VARS1: variants seen among roughly 807,000 people sequenced by gnomAD.
VARS1 encodes valine--tRNA ligase.
VARS1 carries 92 observed loss-of-function variants against 161.0 expected under a neutral mutation model. The observed-to-expected ratio is 0.57, with a 90% CI of 0.48 to 0.68. The LOEUF (loss-of-function observed/expected upper bound fraction) is 0.68, where lower values mean the gene tolerates loss of function less well. Ranked by LOEUF, VARS1 falls within the 30% of genes least tolerant of loss-of-function variation. The probability of loss-of-function intolerance (pLI) is 0.00; values close to 1 mark genes in which losing one functional copy is unlikely to be tolerated. For missense variants in VARS1, 1,338 were observed against 1,695.9 expected (o/e 0.79, Z 3.71); for synonymous variants, 595 against 682.5 (o/e 0.87, Z 2.00).
In VARS1 at chr6:31,783,159, G is replaced by C. The variant is rs767777247; in HGVS notation, c.1699C>G (p.Pro567Ala). ...ATGGGAAGGCTCCGAGACAGGAATG[G>C]GTGGATCACGTTCTTCCCCTTCAGG... is the stretch of plus-strand genomic sequence containing the variant. ...QHLKGKNVIH[P>A]FLSRSLPIVF... The change falls in exon 14 of 30, where the codon CCA becomes GCA. Residue 567 changes from proline (P) to alanine (A), a missense_variant. Physicochemically the swap from Pro to Ala is conservative, Grantham distance 27. Coordinates refer to ENST00000375663, the MANE Select transcript of VARS1 (RefSeq NM_006295.3). 5 of 1,612,674 alleles carry C rather than the reference G, an allele frequency of 3.1e-6. No homozygotes were observed. The highest frequency in any genetic ancestry group is 4.2e-6 in the Non-Finnish European group (5 of 1,179,954).
chr6:31,792,757 C>T lies in VARS1; in HGVS notation c.661G>A (p.Gly221Ser). 1 of 1,614,168 alleles carries T rather than the reference C, an allele frequency of 6.2e-7. No individual in the cohort carries two copies. The highest frequency in any genetic ancestry group is 8.5e-7 in the Non-Finnish European group (1 of 1,180,012). ...SGARPLSHQPGPEAPALPKTA... is the reference protein window; with the variant it reads ...SGARPLSHQPSPEAPALPKTA... ...CCTCCAACTCCTCGCCCTTCCTCAC[C>T]TGGCTGATGAGAGAGAGGCCTGGCT... The change falls in exon 4 of 30, where the codon GGC becomes AGC. Residue 221 changes from glycine (G) to serine (S), a missense_variant and splice_region_variant. Gly to Ser is a moderately conservative substitution (Grantham distance 56). Coordinates refer to ENST00000375663, the MANE Select transcript of VARS1 (RefSeq NM_006295.3).
chr6:31,779,248 C>T lies in VARS1; in HGVS notation c.3445G>A (p.Ala1149Thr), dbSNP rs779226448. The change falls in exon 29 of 30, where the codon GCG becomes ACG. Residue 1149 changes from alanine (A) to threonine (T), a missense_variant. Transcript: ENST00000375663. The surrounding 1 kb of genome is among the most constrained non-coding windows in gnomAD (Gnocchi z 9.1). ...ADEATGALAS[A>T]VSGYVQALAS... Reference sequence around the variant, plus strand: ...AGGGCCTGCACGTAGCCCGACACCGCCGATGCCAGGGCGCCCGTGGCCTCA... The same window carrying T: ...AGGGCCTGCACGTAGCCCGACACCGTCGATGCCAGGGCGCCCGTGGCCTCA... 1 of 1,605,336 alleles carries T rather than the reference C, an allele frequency of 6.2e-7. No individual in the cohort carries two copies. Among genetic ancestry groups the T allele is most frequent in the South Asian group, 1.1e-5 (1 of 90,972 alleles).
Position 31,780,858 on chromosome 6 carries a change from A to C in VARS1, c.2718+12T>G. 6.2e-7 allele frequency: 1 copy of C among 1,614,178 alleles called. No individual in the cohort carries two copies. ...GCTGTGCTCCTGCTTAGCCCAGCCC[A>C]ACCCTCCATACCTGCCCTTCTTTGG... On this transcript the variant is annotated intron_variant, in intron 23 of 29. Transcript: ENST00000375663. This position sits in a 1 kb window ranked among gnomAD's most constrained non-coding sequence, Gnocchi z 5.1.
chr6:31,785,357 C>G lies in VARS1; in HGVS notation c.1266-30G>C, dbSNP rs758546882. 8 of 1,612,050 alleles carry G rather than the reference C, an allele frequency of 5.0e-6. No homozygotes were observed. The highest frequency in any genetic ancestry group is 6.8e-6 in the Non-Finnish European group (8 of 1,179,406). On this transcript the variant is annotated intron_variant, in intron 9 of 29. Transcript: ENST00000375663. The surrounding 1 kb of genome is among the most constrained non-coding windows in gnomAD (Gnocchi z 6.1). ...AAGCAGACAGGCTGAGGTCAGCACTCGTGCCTGGGCTAGAGGGAGACATCA... is the reference window on the plus strand; with the variant it reads ...AAGCAGACAGGCTGAGGTCAGCACTGGTGCCTGGGCTAGAGGGAGACATCA...
chr6:31,793,166 C>T (rs1814010083), intron 2 of VARS1, 46 bp from the exon 3 acceptor site: 29 of 1,548,756 alleles, frequency 1.9e-5, no homozygotes, highest in Non-Finnish European at 2.4e-5. Flanking sequence ...GGCCCACCTC[C>T]ATCTCCCACC....
rs772333709 is a variant in VARS1 at position 31,781,028 on chromosome 6, G to A, written c.2640C>T (p.Ile880=). ...CCAGCACCCAGCCCACCTGCAGGGA[G>A]ATTCCATAGATGACGTCCAGGGGAT... is the stretch of plus-strand genomic sequence containing the variant. ...VIDPLDVIYG[I]SLQGLHNQLL... The change falls in exon 22 of 30, where the codon ATC becomes ATT. Residue 880 remains isoleucine, a synonymous_variant. Coordinates refer to ENST00000375663, the MANE Select transcript of VARS1 (RefSeq NM_006295.3). The surrounding 1 kb of genome is among the most constrained non-coding windows in gnomAD (Gnocchi z 6.8). The A allele has an allele frequency of 1.9e-6, 3 of 1,614,110 alleles. No homozygotes were observed. The Admixed American group carries it at 5.0e-5, about 27-fold the overall frequency.
chr6:31,787,945 C>T (rs1452371699), intron 8 of VARS1, among the ~76,000 whole-genome samples: 3 of 151,588 alleles, frequency 2.0e-5, no homozygotes, highest in African/African-American at 4.9e-5. Context: ...GGTGAAACCC[C>T]GTCTCTACTA....
In VARS1 at chr6:31,782,099, C is replaced by A. The variant is rs55982881; in HGVS notation, c.2229G>T (p.Val743=). 8.1e-6 allele frequency: 13 copies of A among 1,613,494 alleles called. No individual in the cohort carries two copies. The Admixed American group carries it at 2.0e-4, about 25-fold the overall frequency. The change falls in exon 18 of 30, where the codon GTG becomes GTT. Residue 743 remains valine, a synonymous_variant. Transcript: ENST00000375663. The surrounding 1 kb of genome is among the most constrained non-coding windows in gnomAD (Gnocchi z 8.3). ...AYFVTVSDPA[V]PPGEDPDGRY... Reference sequence around the variant, plus strand: ...GCCCTCTGCTCACCTCCCCAGGGGGCACCGCTGGGTCACTGACAGTGACAA... The same window carrying A: ...GCCCTCTGCTCACCTCCCCAGGGGGAACCGCTGGGTCACTGACAGTGACAA...
chr6:31,788,623 G>C (rs920504152), intron 8 of VARS1, among the ~76,000 whole-genome samples: 1 of 150,178 alleles, frequency 6.7e-6, no homozygotes, highest in Non-Finnish European at 1.5e-5. Flanking sequence ...TGGCCGACAG[G>C]GTGAAACCCT....
chr6:31,782,640 A>C lies in VARS1; in HGVS notation c.1888-7T>G, dbSNP rs1157787319. 1 of 1,613,072 alleles carries C rather than the reference A, an allele frequency of 6.2e-7. No individual in the cohort carries two copies. Among genetic ancestry groups the C allele is most frequent in the Middle Eastern group, 1.6e-4 (1 of 6,062 alleles). On this transcript the variant is annotated splice_region_variant and splice_polypyrimidine_tract_variant and intron_variant, in intron 15 of 29. Coordinates refer to ENST00000375663, the MANE Select transcript of VARS1 (RefSeq NM_006295.3). This position sits in a 1 kb window ranked among gnomAD's most constrained non-coding sequence, Gnocchi z 8.3. ...CCTCAAACCTGGGCAGGCCCTGGGT[A>C]GGAATGAGGCCTCATCATGGCGATG...
Position 31,794,913 on chromosome 6 carries a change from T to TAACTGACCC in VARS1, c.296_304dup (p.Trp99_Ser101dup). The TAACTGACCC allele has an allele frequency of 1.2e-6, 2 of 1,612,894 alleles. No homozygotes were observed. Among genetic ancestry groups the TAACTGACCC allele is most frequent in the Non-Finnish European group, 1.7e-6 (2 of 1,179,948 alleles). ...AGCTGGTATTAACTCCGTGTCGGCG[T>TAACTGACCC]AACTGACCCACTGTTGGACAAGGAC... On this transcript the variant is annotated inframe_insertion, in exon 2 of 30. Coordinates refer to ENST00000375663, the MANE Select transcript of VARS1 (RefSeq NM_006295.3).
chr6:31,782,601 C>A lies in VARS1; in HGVS notation c.1920G>T (p.Val640=). Residue 640 remains valine, a synonymous_variant, in exon 16 of 30, where the codon GTG becomes GTT. Transcript: ENST00000375663. The surrounding 1 kb of genome is among the most constrained non-coding windows in gnomAD (Gnocchi z 8.3). ...GLPRFEARKA[V]LVALKERGLF... is the part of the protein sequence containing the mutation. ...GTCCCCGCTCCTTCAGCGCCACCAG[C>A]ACCGCTTTCCTGGCCTCAAACCTGG... 1.2e-6 allele frequency: 2 copies of A among 1,613,110 alleles called. No homozygotes were observed. The highest frequency in any genetic ancestry group is 1.7e-6 in the Non-Finnish European group (2 of 1,180,042).
chr6:31,793,182 C>T (rs1272746872), intron 2 of VARS1, 62 bp from the exon 3 acceptor site: 2 of 1,531,658 alleles, frequency 1.3e-6, no homozygotes, highest in Admixed American at 4.5e-5. Context: ...CCACCACAAC[C>T]CAATCCATGT....
Position 31,779,301 on chromosome 6 carries a change from G to A in VARS1, c.3401-9C>T. The A allele has an allele frequency of 6.2e-7, 1 of 1,601,964 alleles. No individual in the cohort carries two copies. Among genetic ancestry groups the A allele is most frequent in the Non-Finnish European group, 8.5e-7 (1 of 1,179,566 alleles). On this transcript the variant is annotated splice_polypyrimidine_tract_variant and intron_variant, in intron 28 of 29. Coordinates refer to ENST00000375663, the MANE Select transcript of VARS1 (RefSeq NM_006295.3). The surrounding 1 kb of genome is among the most constrained non-coding windows in gnomAD (Gnocchi z 9.1). ...CGCCACTTCCAGGAAACCTGCCAGG[G>A]AGGGAGAAAGGTGAGGCCTAGCTCC...
In VARS1 at chr6:31,780,985, C is replaced by T. The variant is rs368550723; in HGVS notation, c.2649+34G>A. On this transcript the variant is annotated intron_variant, in intron 22 of 29. Coordinates refer to ENST00000375663, the MANE Select transcript of VARS1 (RefSeq NM_006295.3). This position sits in a 1 kb window ranked among gnomAD's most constrained non-coding sequence, Gnocchi z 5.1. The stretch of plus-strand genomic sequence containing the variant: ...TCAGGTGGCTGTGACCACAGCCCCA[C>T]GGCCCTTCCTGGCTGGCCCAGCACC... 1.6e-5 allele frequency: 26 copies of T among 1,613,976 alleles called. No individual in the cohort carries two copies. The African/African-American group carries it at 1.9e-4, about 12-fold the overall frequency.
chr6:31,790,182 G>A (rs1022901651), intron 8 of VARS1, among the ~76,000 whole-genome samples: 20 of 151,816 alleles, frequency 1.3e-4, no homozygotes, highest in African/African-American at 4.4e-4. Context: ...ATTCAAAGCC[G>A]TCCTGGGCCG....
chr6:31,792,005 GCTGGGAGCACT>G (rs1562312690), intron 6 of VARS1, 34 bp from the exon 7 acceptor site: 1 of 1,534,800 alleles, frequency 6.5e-7, no homozygotes, highest in Admixed American at 2.0e-5. Context: ...CAGTGCCGTG[GCTGGGAGCACT>G]CTGGGAAGGA....
chr6:31,785,808 G>A lies in VARS1; in HGVS notation c.1101-75C>T. ...GGCACCAAAGAAAGCAGAGGCTTCAGGCAAGGAGTCAGTGGACTAAATAAA... is the reference window on the plus strand; with the variant it reads ...GGCACCAAAGAAAGCAGAGGCTTCAAGCAAGGAGTCAGTGGACTAAATAAA... On this transcript the variant is annotated intron_variant, in intron 8 of 29. Coordinates refer to ENST00000375663, the MANE Select transcript of VARS1 (RefSeq NM_006295.3). The surrounding 1 kb of genome is among the most constrained non-coding windows in gnomAD (Gnocchi z 6.1). 6.6e-7 allele frequency: 1 copy of A among 1,514,256 alleles called. No homozygotes were observed. Among genetic ancestry groups the A allele is most frequent in the Non-Finnish European group, 8.8e-7 (1 of 1,139,200 alleles). The allele number at this position is 1,514,256 out of a possible 1,614,324, so 93.8% of individuals were successfully genotyped here. A position where few individuals can be genotyped will look rare whatever the true frequency, so the allele number is the denominator to read the frequency against.
intron 8 of VARS1, among the ~76,000 whole-genome samples, chr6:31,788,044 TG>T: frequency 6.8e-6 from 1 of 148,060 alleles, no homozygotes; most frequent in East Asian, 2.1e-4. Context: ...GGTGTGAACC[TG>T]GGAGGAGGAG....
Sources: allele counts gnomAD v4.1 joint callset (sites outside exome capture counted in the v4.1 genomes callset), GRCh38; gene constraint gnomAD v4.1.1; non-coding constraint Gnocchi (gnomAD v3.1); transcripts MANE v1.5; gene names NCBI Gene and HGNC (gene_info 2026-07-23, HGNC 2026-07-21).